The following ROR1 variants were observed in gnomAD, a reference collection of about 807,000 sequenced individuals.
The protein encoded by ROR1 is inactive tyrosine-protein kinase transmembrane receptor ROR1.
Under a neutral mutation model 78.8 loss-of-function variants are expected in ROR1, and 19 were observed. The observed-to-expected ratio is 0.24, with a 90% confidence interval of 0.17 to 0.35. The LOEUF (loss-of-function observed/expected upper bound fraction) is 0.35. Ranked by LOEUF, ROR1 falls within the 10% of genes least tolerant of loss-of-function variation. The pLI is 1.00. For synonymous variants in ROR1, 386 were observed against 433.6 expected (o/e 0.89, Z 1.36); for missense variants, 917 against 1,177.8 (o/e 0.78, Z 3.24).
At chr1:64,151,718 CAAA>C (rs10609701) in intron 7 of ROR1, among the ~76,000 whole-genome samples, 40,498 of 146,180 alleles carry the variant, frequency 0.28, 5,718 homozygotes, top group East Asian at 0.36. Flanking sequence ...ACTAAAAATA[CAAA>C]AAAAAAAAAA....
chr1:64,019,212 A>T (rs556507855), intron 2 of ROR1, among the ~76,000 whole-genome samples: 2 of 152,274 alleles, frequency 1.3e-5, no homozygotes, highest in Admixed American at 1.3e-4. Context: ...ACTCTTCATG[A>T]TATTCTAACA....
At chr1:63,854,946 T>C (rs1206054562) in intron 1 of ROR1, among the ~76,000 whole-genome samples, 9 of 152,268 alleles carry the variant, frequency 5.9e-5, no homozygotes, top group Non-Finnish European at 1.3e-4. Flanking sequence ...ATAAATGCTA[T>C]GTAAATAGTT....
At chr1:64,024,125 T>A (rs1646588667) in intron 2 of ROR1, among the ~76,000 whole-genome samples, 1 of 152,286 alleles carries the variant, frequency 6.6e-6, no homozygotes, top group Admixed American at 6.5e-5. Context: ...GTCAATTAAA[T>A]CTCTTTTCTT....
intron 1 of ROR1, among the ~76,000 whole-genome samples, chr1:63,944,674 C>T (rs1354322853): frequency 6.6e-6 from 1 of 152,054 alleles, no homozygotes; most frequent in African/African-American, 2.4e-5. Flanking sequence ...CAGTGGTCTC[C>T]TTGTTTTAAA....
intron 2 of ROR1, among the ~76,000 whole-genome samples, chr1:64,030,246 T>C (rs1050471640): frequency 6.6e-6 from 1 of 152,102 alleles, no homozygotes; most frequent in Non-Finnish European, 1.5e-5. Context: ...CTTGTGCCCA[T>C]CTCCAAGTGT....
intron 1 of ROR1, among the ~76,000 whole-genome samples, chr1:63,941,685 C>T (rs1645841815): frequency 6.6e-6 from 1 of 152,162 alleles, no homozygotes; most frequent in African/African-American, 2.4e-5. Context: ...GTGACATTTT[C>T]ATCTAAACCC....
At chr1:63,838,030 A>G (rs1016269442) in intron 1 of ROR1, among the ~76,000 whole-genome samples, 1 of 152,074 alleles carries the variant, frequency 6.6e-6, no homozygotes, top group Non-Finnish European at 1.5e-5. Flanking sequence ...TGTATTACTC[A>G]TGTGTTTGTG....
chr1:63,936,957 A>G (rs111939194), intron 1 of ROR1, among the ~76,000 whole-genome samples: 2 of 152,158 alleles, frequency 1.3e-5, no homozygotes, highest in African/African-American at 4.8e-5. Context: ...CCAGTAGACA[A>G]CTTTATCTCA....
intron 1 of ROR1, among the ~76,000 whole-genome samples, chr1:63,897,696 C>G (rs1463389858): frequency 6.6e-6 from 1 of 152,056 alleles, no homozygotes; most frequent in Non-Finnish European, 1.5e-5. Flanking sequence ...TGATATATTC[C>G]CAGACAATAT....
intron 2 of ROR1, among the ~76,000 whole-genome samples, chr1:64,015,579 G>T (rs1397860383): frequency 6.6e-6 from 1 of 152,160 alleles, no homozygotes; most frequent in African/African-American, 2.4e-5. Context: ...TTGATGCTTA[G>T]CTAGTCAGAA....
At chr1:64,123,168 G>A (rs543251257) in intron 4 of ROR1, among the ~76,000 whole-genome samples, 1 of 152,226 alleles carries the variant, frequency 6.6e-6, no homozygotes, top group East Asian at 1.9e-4. Context: ...GGACACCAGA[G>A]ATCATTTAAA....
chr1:63,819,591 GA>G (rs1481640756), intron 1 of ROR1, among the ~76,000 whole-genome samples: 1 of 152,150 alleles, frequency 6.6e-6, no homozygotes, highest in African/African-American at 2.4e-5. Flanking sequence ...GGATGCTGCT[GA>G]AAACTGAGGA....
intron 1 of ROR1, among the ~76,000 whole-genome samples, chr1:63,783,587 C>T (rs1644666325): frequency 6.6e-6 from 1 of 152,172 alleles, no homozygotes; most frequent in African/African-American, 2.4e-5. Context: ...TCTCCAGCTC[C>T]ACACCTGTGT....
Position 64,049,849 on chromosome 1 carries a change from C to A in ROR1, c.322C>A (p.Arg108=). ...VVQEPRRLSF[R]STIYGSRLRI... ...CCAGGAGCCCCGGAGGCTCTCCTTT[C>A]GGTCCACCATCTATGGCTCTCGGCT... The change falls in exon 3 of 9, where the codon CGG becomes AGG. Residue 108 remains arginine (R), a synonymous_variant. Coordinates refer to ENST00000371079, the MANE Select transcript of ROR1 (RefSeq NM_005012.4). The A allele has an allele frequency of 6.2e-7, 1 of 1,614,212 alleles. No homozygotes were observed. Among genetic ancestry groups the A allele is most frequent in the South Asian group, 1.1e-5 (1 of 91,082 alleles).
chr1:64,016,733 T>TTA lies in ROR1; in HGVS notation c.163+7372_163+7373dup, dbSNP rs58622476. On this transcript the variant is annotated intron_variant, in intron 2 of 8. Coordinates refer to ENST00000371079, the MANE Select transcript of ROR1 (RefSeq NM_005012.4). ...ATGTACCCTAGAACTTAAAATATAA[T>TTA]TATATATATATATATAAAGATTTTA... Among the ~76,000 whole-genome samples, 68 of 140,606 alleles carry TTA rather than the reference T, an allele frequency of 4.8e-4. 1 individual carries two copies. The highest frequency in any genetic ancestry group is 9.6e-4 in the South Asian group (4 of 4,158). 92.2% of individuals were successfully genotyped at this position (140,606 alleles called of 152,430 possible).
At chr1:63,975,188 G>A (rs952330647) in intron 1 of ROR1, among the ~76,000 whole-genome samples, 1 of 152,162 alleles carries the variant, frequency 6.6e-6, no homozygotes, top group Non-Finnish European at 1.5e-5. Context: ...AAACCAAATG[G>A]CTGGCAGAAG....
At chr1:63,989,046 A>AT (rs1646273567) in intron 1 of ROR1, among the ~76,000 whole-genome samples, 1 of 151,756 alleles carries the variant, frequency 6.6e-6, no homozygotes, top group Non-Finnish European at 1.5e-5. Flanking sequence ...TTTATTTTTA[A>AT]TTTTTTGTGG....
chr1:63,983,889 T>G (rs1197868175), intron 1 of ROR1, among the ~76,000 whole-genome samples: 1 of 152,118 alleles, frequency 6.6e-6, no homozygotes. Context: ...CCTTGCCAGA[T>G]CAAATAAGAT....
chr1:63,804,576 G>A (rs952141362), intron 1 of ROR1, among the ~76,000 whole-genome samples: 11 of 152,150 alleles, frequency 7.2e-5, no homozygotes, highest in Non-Finnish European at 1.3e-4. Context: ...GGATGAGCGT[G>A]GACATCTGTT....
Sources: gnomAD v4.1 joint callset for allele counts (sites outside exome capture counted in the v4.1 genomes callset) on GRCh38, gnomAD v4.1.1 for gene constraint, MANE v1.5 for transcripts, NCBI Gene and HGNC (gene_info 2026-07-23, HGNC 2026-07-21) for gene names.